Variants in DAB1 observed in about 807,000 individuals in gnomAD.
DAB1 encodes the protein DAB adaptor protein 1.
In DAB1, 15 loss-of-function variants were observed where a neutral mutation model predicts 64.6. The observed-to-expected ratio is 0.23, with a 90% CI of 0.16 to 0.36. The LOEUF (loss-of-function observed/expected upper bound fraction) is 0.36, where lower values mean the gene tolerates loss of function less well. Ranked by LOEUF, DAB1 falls within the 10% of genes least tolerant of loss-of-function variation. DAB1 has a pLI of 1.00. For synonymous variants in DAB1, 235 were observed against 251.9 expected (o/e 0.93, Z 0.64); for missense variants, 596 against 706.7 (o/e 0.84, Z 1.78).
chr1:58,540,330 C>T (rs960736703), intron 1 of DAB1, among the ~76,000 whole-genome samples: 13 of 151,620 alleles, frequency 8.6e-5, no homozygotes, highest in Middle Eastern at 3.4e-3. Flanking sequence ...CTATTTAACA[C>T]TTAACAAGGT....
chr1:58,361,799 G>A (rs2100526347), intron 3 of DAB1, among the ~76,000 whole-genome samples: 1 of 149,850 alleles, frequency 6.7e-6, no homozygotes, highest in Admixed American at 6.7e-5. Context: ...AACATTTGAG[G>A]CCCACAGCCC....
At chr1:57,345,215 C>G (rs142187036) in intron 1 of DAB1, among the ~76,000 whole-genome samples, 1 of 152,166 alleles carries the variant, frequency 6.6e-6, no homozygotes, top group Non-Finnish European at 1.5e-5. Context: ...GGACCTGCCC[C>G]CTATCGTGGA....
At chr1:57,408,185 C>T (rs1184866667) in intron 1 of DAB1, among the ~76,000 whole-genome samples, 2 of 152,170 alleles carry the variant, frequency 1.3e-5, no homozygotes, top group Non-Finnish European at 2.9e-5. Context: ...GCTAGCACAT[C>T]GTGTTTCCAT....
intron 4 of DAB1, among the ~76,000 whole-genome samples, chr1:58,207,000 C>T (rs1041865787): frequency 6.6e-6 from 1 of 152,180 alleles, no homozygotes; most frequent in Non-Finnish European, 1.5e-5. Context: ...CACATGAGAA[C>T]AAGCCTGGAC....
intron 4 of DAB1, among the ~76,000 whole-genome samples, chr1:58,185,930 A>G (rs188096876): frequency 2.6e-5 from 4 of 152,170 alleles, no homozygotes; most frequent in East Asian, 1.9e-4. Flanking sequence ...TGTGGTGGAT[A>G]CTGTGGTTTG....
At chr1:57,173,091 G>C (rs1661951043) in intron 2 of DAB1, among the ~76,000 whole-genome samples, 1 of 152,074 alleles carries the variant, frequency 6.6e-6, no homozygotes, top group African/African-American at 2.4e-5. Flanking sequence ...AGTAAAGCAG[G>C]ACTGTATGTC....
intron 1 of DAB1, among the ~76,000 whole-genome samples, chr1:57,396,277 C>A (rs1682801250): frequency 6.6e-6 from 1 of 152,226 alleles, no homozygotes; most frequent in East Asian, 1.9e-4. Flanking sequence ...CTAGCATCTC[C>A]ATGCCAAACA....
chr1:58,112,438 C>A (rs958642896), intron 5 of DAB1, among the ~76,000 whole-genome samples: 4 of 152,132 alleles, frequency 2.6e-5, no homozygotes, highest in Non-Finnish European at 5.9e-5. Context: ...ACTATTAGTT[C>A]TTTGAAAGCA....
At chr1:57,296,758 G>A (rs1298804466) in intron 1 of DAB1, among the ~76,000 whole-genome samples, 1 of 152,110 alleles carries the variant, frequency 6.6e-6, no homozygotes, top group Non-Finnish European at 1.5e-5. Context: ...CTTGCTTATA[G>A]CAGAACAGGT....
chr1:57,220,015 G>A (rs1365308327), intron 2 of DAB1, among the ~76,000 whole-genome samples: 4 of 152,194 alleles, frequency 2.6e-5, no homozygotes. Flanking sequence ...TAGACTACAA[G>A]CTTCTTGAGG....
At chr1:57,479,967 C>T (rs1043643393) in intron 7 of DAB1, among the ~76,000 whole-genome samples, 8 of 151,948 alleles carry the variant, frequency 5.3e-5, no homozygotes, top group African/African-American at 1.7e-4. Flanking sequence ...TCCTGGCTAA[C>T]ACGGTGAAAC....
chr1:57,910,409 G>A (rs561331458), intron 5 of DAB1, among the ~76,000 whole-genome samples: 6 of 152,314 alleles, frequency 3.9e-5, no homozygotes, highest in African/African-American at 7.2e-5. Context: ...GTGTTTAGAC[G>A]TACTGCGATG....
intron 5 of DAB1, among the ~76,000 whole-genome samples, chr1:58,068,894 C>G (rs1404208577): frequency 1.3e-5 from 2 of 151,828 alleles, no homozygotes; most frequent in Non-Finnish European, 2.9e-5. Flanking sequence ...CTAATGTGTT[C>G]ACTACTGTCA....
At chr1:58,048,450 C>G (rs1237603137) in intron 5 of DAB1, 1 of 1,059,216 alleles carries the variant, frequency 9.4e-7, no homozygotes, top group Admixed American at 1.7e-5. Context: ...CCACTCCCGC[C>G]ATAGCCACTG....
intron 3 of DAB1, among the ~76,000 whole-genome samples, chr1:58,443,172 A>G (rs1645031274): frequency 6.6e-6 from 1 of 152,114 alleles, no homozygotes; most frequent in East Asian, 1.9e-4. Context: ...CCCATCACCT[A>G]CACTCCTCAA....
At chr1:58,364,077 G>A (rs1644193449) in intron 3 of DAB1, among the ~76,000 whole-genome samples, 2 of 152,230 alleles carry the variant, frequency 1.3e-5, no homozygotes, top group Admixed American at 1.3e-4. Context: ...CCAACATTTG[G>A]AGAATGTTTA....
At chr1:57,424,925 C>T (rs1048780413), upstream of DAB1, among the ~76,000 whole-genome samples, 1 of 152,234 alleles carries the variant, frequency 6.6e-6, no homozygotes. Context: ...TGGGAGTAAA[C>T]AATCCTCCGA....
At chr1:57,493,528 G>A (rs1014879334) in intron 7 of DAB1, among the ~76,000 whole-genome samples, 1 of 151,980 alleles carries the variant, frequency 6.6e-6, no homozygotes, top group Non-Finnish European at 1.5e-5. Flanking sequence ...TTGTTAATCC[G>A]CTGATCCATA....
At chr1:57,192,177 CAT>C in intron 2 of DAB1, among the ~76,000 whole-genome samples, 1 of 152,132 alleles carries the variant, frequency 6.6e-6, no homozygotes, top group Non-Finnish European at 1.5e-5. Flanking sequence ...AACAGCCAGG[CAT>C]TCTGGTGGGC....
Sources: gnomAD v4.1 joint callset for allele counts (sites outside exome capture counted in the v4.1 genomes callset) on GRCh38, gnomAD v4.1.1 for gene constraint, MANE v1.5 for transcripts, NCBI Gene and HGNC (gene_info 2026-07-23, HGNC 2026-07-21) for gene names.